The following RARB variants were observed in gnomAD, a reference collection of about 807,000 sequenced individuals.
RARB encodes HBV-activated protein.
RARB carries 17 observed loss-of-function variants against 51.9 expected under a neutral mutation model. That is an observed-to-expected ratio of 0.33 (90% CI 0.22 to 0.49). The LOEUF (loss-of-function observed/expected upper bound fraction) is 0.49. RARB is among the 20% of genes least tolerant of loss of function. The pLI, the probability that RARB is intolerant of heterozygous loss-of-function variation, is 0.99. For missense variants in RARB, 369 were observed against 550.8 expected, an observed-to-expected ratio of 0.67 and a Z score of 3.30; for synonymous variants, 215 against 195.4, an observed-to-expected ratio of 1.10 and a Z score of -0.84.
chr3:24,945,895 C>T (rs1051021815), intron 2 of RARB, among the ~76,000 whole-genome samples: 2 of 152,222 alleles, frequency 1.3e-5, no homozygotes, highest in African/African-American at 2.4e-5. Context: ...GGTAAGTCTC[C>T]TCCAAAGTTT....
chr3:25,468,738 T>C (rs1695555616), intron 2 of RARB, among the ~76,000 whole-genome samples: 1 of 152,086 alleles, frequency 6.6e-6, no homozygotes, highest in Non-Finnish European at 1.5e-5. Flanking sequence ...CGACAAAAAA[T>C]TAAAAAAGGA....
At chr3:25,291,507 C>T (rs1396873617) in intron 5 of RARB, among the ~76,000 whole-genome samples, 37 of 140,778 alleles carry the variant, frequency 2.6e-4, no homozygotes, top group African/African-American at 8.2e-4. Context: ...ACACACACGG[C>T]TTGTTTGCCT....
chr3:25,189,160 A>G (rs1701042126), intron 5 of RARB, among the ~76,000 whole-genome samples: 1 of 152,140 alleles, frequency 6.6e-6, no homozygotes. Flanking sequence ...TGTTTTTAAT[A>G]TCATCCCTCA....
chr3:24,900,308 A>G (rs1703575227), intron 2 of RARB, among the ~76,000 whole-genome samples: 1 of 152,352 alleles, frequency 6.6e-6, no homozygotes, highest in South Asian at 2.1e-4. Context: ...AGGATAAACT[A>G]TTACAGTTTG....
chr3:25,227,169 A>C (rs1419608346), intron 5 of RARB, among the ~76,000 whole-genome samples: 2 of 152,218 alleles, frequency 1.3e-5, no homozygotes, highest in Admixed American at 6.5e-5. Flanking sequence ...TGAGGAGGTA[A>C]ATATGTTTGC....
chr3:24,858,647 GC>G (rs1343350977), intron 1 of RARB: 2 of 152,158 alleles, frequency 1.3e-5, no homozygotes, highest in Non-Finnish European at 2.9e-5. Context: ...GTTTAAGACT[GC>G]TAAATGAAAA....
chr3:24,954,277 C>G (rs867392141), intron 2 of RARB, among the ~76,000 whole-genome samples: 2 of 152,132 alleles, frequency 1.3e-5, no homozygotes, highest in Non-Finnish European at 1.5e-5. Context: ...AAACCCACCT[C>G]AAAATTCATC....
At chr3:25,590,537 T>C (rs1701575476) in intron 5 of RARB, among the ~76,000 whole-genome samples, 1 of 152,170 alleles carries the variant, frequency 6.6e-6, no homozygotes, top group Non-Finnish European at 1.5e-5. Context: ...GTGGTGGTTG[T>C]TGAGACAGGG....
intron 5 of RARB, among the ~76,000 whole-genome samples, chr3:25,299,980 A>G (rs376429531): frequency 1.1e-4 from 17 of 152,246 alleles, no homozygotes; most frequent in African/African-American, 4.1e-4. Flanking sequence ...ATAGCATTAA[A>G]TATGTGTTAA....
At chr3:25,011,758 T>A (rs561419007) in intron 2 of RARB, among the ~76,000 whole-genome samples, 1 of 152,234 alleles carries the variant, frequency 6.6e-6, no homozygotes, top group Non-Finnish European at 1.5e-5. Flanking sequence ...GTGTCCTTAG[T>A]GGACTTTATA....
At chr3:25,411,156 A>C (rs1707552212) in intron 5 of RARB, among the ~76,000 whole-genome samples, 1 of 152,324 alleles carries the variant, frequency 6.6e-6, no homozygotes, top group South Asian at 2.1e-4. Context: ...TATATAGAAA[A>C]AATGAAAGGA....
chr3:25,174,287 A>G lies in RARB; in HGVS notation c.-111A>G. The G allele has an allele frequency of 4.2e-6, 4 of 957,354 alleles. No individual in the cohort carries two copies. In the South Asian group the frequency reaches 5.6e-5, roughly 13 times the overall value. The allele number at this position is 957,354 out of a possible 1,614,324, so 59.3% of individuals were successfully genotyped here. ...TGAACCATCTTGACTTTGGCCCAGA[A>G]CACAGCTCAGCCTCAACTCCTGCAG... On this transcript the variant is annotated 5_prime_UTR_variant, in exon 5 of 12. Coordinates refer to the RARB transcript ENST00000383772.
chr3:25,040,506 G>A (rs949508428), intron 2 of RARB, among the ~76,000 whole-genome samples: 2 of 152,144 alleles, frequency 1.3e-5, no homozygotes, highest in African/African-American at 2.4e-5. Flanking sequence ...GCCTAGGTCG[G>A]CAGATCGCTT....
chr3:24,902,848 A>G (rs141719766), intron 2 of RARB, among the ~76,000 whole-genome samples: 333 of 152,316 alleles, frequency 2.2e-3, no homozygotes, highest in African/African-American at 7.6e-3. Context: ...TACATTAATT[A>G]TATATTACTA....
At chr3:25,343,544 A>C (rs1345845997) in intron 5 of RARB, among the ~76,000 whole-genome samples, 2 of 152,012 alleles carry the variant, frequency 1.3e-5, no homozygotes, top group Admixed American at 6.6e-5. Flanking sequence ...ACTTTTTTCC[A>C]GAAAAAAAAA....
chr3:24,843,458 G>A (rs1702443997), intron 1 of RARB, among the ~76,000 whole-genome samples: 1 of 152,114 alleles, frequency 6.6e-6, no homozygotes. Flanking sequence ...TAACATCACC[G>A]ACCTGTGAGA....
chr3:24,981,446 C>G (rs1222375473), intron 2 of RARB, among the ~76,000 whole-genome samples: 1 of 152,102 alleles, frequency 6.6e-6, no homozygotes, highest in Admixed American at 6.5e-5. Context: ...GCTTCCCTGC[C>G]TCTTTGTTTA....
At chr3:25,501,873 G>A (rs575304001) in intron 3 of RARB, among the ~76,000 whole-genome samples, 2 of 152,140 alleles carry the variant, frequency 1.3e-5, no homozygotes, top group African/African-American at 4.8e-5. Context: ...TAGTGCAAAA[G>A]ATATTTTAAA....
chr3:25,463,942 G>C (rs758711337), intron 2 of RARB, among the ~76,000 whole-genome samples: 1 of 152,106 alleles, frequency 6.6e-6, no homozygotes, highest in Middle Eastern at 3.2e-3. Flanking sequence ...TAAAAAGGAA[G>C]ACATTTGTTC....
Sources: allele counts gnomAD v4.1 joint callset (sites outside exome capture counted in the v4.1 genomes callset), GRCh38; gene constraint gnomAD v4.1.1; transcripts MANE v1.5; gene names NCBI Gene and HGNC (gene_info 2026-07-23, HGNC 2026-07-21).